CDH3: variants seen among roughly 807,000 people sequenced by gnomAD.
CDH3 encodes cadherin-3.
A neutral mutation model predicts 82.0 loss-of-function variants in CDH3; 54 were observed. That is an observed-to-expected ratio of 0.66 (90% CI 0.53 to 0.83). CDH3 has a LOEUF of 0.83. Among genes scored for constraint, CDH3 ranks in the 40% least tolerant of loss-of-function variants. The pLI is 0.00. For missense variants in CDH3, 1,054 were observed against 1,084.6 expected (o/e 0.97, Z 0.40); for synonymous variants, 446 against 437.9 (o/e 1.02, Z -0.23).
rs1056804872 is a variant in CDH3, at chr16:68,655,235, C to T, written c.160+9485C>T. Reference sequence around the variant, plus strand: ...GGTGGGCAGCAGCTCCTTATTTGGCCAACATGTTCAAATCCAGCTCCTCTC... The same window carrying T: ...GGTGGGCAGCAGCTCCTTATTTGGCTAACATGTTCAAATCCAGCTCCTCTC... On this transcript the variant is annotated intron_variant, in intron 2 of 15. Transcript: ENST00000264012. Among the ~76,000 whole-genome samples the T allele has an allele frequency of 1.2e-4, 19 of 152,026 alleles. 1 individual carries two copies. Among genetic ancestry groups the T allele is most frequent in the Admixed American group, 1.2e-3 (19 of 15,262 alleles).
Position 68,685,278 on chromosome 16 carries a change from A to G in CDH3, c.1498A>G (p.Thr500Ala). ...CAGTGGGCAGGTCACAGCTGTGGGC[A>G]CCCTCGACCGTGAGGATGAGCAGTT... Reference protein sequence around the residue: ...PDSGQVTAVGTLDREDEQFVR... With the variant: ...PDSGQVTAVGALDREDEQFVR... Residue 500 changes from threonine to alanine, a missense_variant, in exon 11 of 16, where the codon ACC (threonine) becomes GCC (alanine). Physicochemically the swap from Thr to Ala is moderately conservative, Grantham distance 58. Transcript: ENST00000264012. 1.2e-6 allele frequency: 2 copies of G among 1,614,070 alleles called. No individual in the cohort carries two copies. Among genetic ancestry groups the G allele is most frequent in the Non-Finnish European group, 8.5e-7 (1 of 1,180,020 alleles).
chr16:68,647,512 CG>C (rs1260396317), intron 2 of CDH3, among the ~76,000 whole-genome samples: 1 of 152,040 alleles, frequency 6.6e-6, no homozygotes, highest in Admixed American at 6.6e-5. Flanking sequence ...GTCTGCTTTA[CG>C]GTTGTGAAAA....
At chr16:68,681,965 T>TTC (rs1440290565) in intron 8 of CDH3, among the ~76,000 whole-genome samples, 2 of 152,234 alleles carry the variant, frequency 1.3e-5, no homozygotes, top group East Asian at 3.8e-4. Flanking sequence ...CACCTAGCCC[T>TTC]TCTTGCCACC....
chr16:68,652,253 G>C lies in CDH3; in HGVS notation c.160+6503G>C, dbSNP rs141178973. On this transcript the variant is annotated intron_variant, in intron 2 of 15. Transcript: ENST00000264012. Reference sequence around the variant, plus strand: ...AGGCCGCTTTCCTGGCTTAGCAGCAGAGTAGGGTTAACTTGCTGAAAACTC... The same window carrying C: ...AGGCCGCTTTCCTGGCTTAGCAGCACAGTAGGGTTAACTTGCTGAAAACTC... Among the ~76,000 whole-genome samples, 21 of 152,254 alleles carry C rather than the reference G, an allele frequency of 1.4e-4. No homozygotes were observed. The East Asian group carries it at 4.1e-3, about 29-fold the overall frequency.
At position 68,675,272 on chromosome 16, in the gene CDH3, A is replaced by G. The variant is rs149514875; in HGVS notation, c.161-1113A>G. Among the ~76,000 whole-genome samples, 164 of 152,288 alleles carry G rather than the reference A, an allele frequency of 1.1e-3. 1 individual carries two copies. The highest frequency in any genetic ancestry group is 9.3e-3 in the South Asian group (45 of 4,822). On this transcript the variant is annotated intron_variant, in intron 2 of 15. Transcript: ENST00000264012. Reference sequence around the variant, plus strand: ...GTTTGTGCCCTCGCCTGACATACCTATGGACAGGCGTGGGGCCGTCCTTGT... The same window carrying G: ...GTTTGTGCCCTCGCCTGACATACCTGTGGACAGGCGTGGGGCCGTCCTTGT...
Position 68,690,617 on chromosome 16 carries a change from A to G in CDH3, c.1796-1103A>G, listed in dbSNP as rs188755376. Among the ~76,000 whole-genome samples, 14 of 151,236 alleles carry G rather than the reference A, an allele frequency of 9.3e-5. No individual in the cohort carries two copies. The East Asian group carries it at 2.7e-3, about 29-fold the overall frequency. ...GATAGAGCAAGACTCTGTCTAAAAA[A>G]AAAATTGAAGGCCGGGCACCGTGGC... On this transcript the variant is annotated intron_variant, in intron 12 of 15. Transcript: ENST00000264012.
chr16:68,696,207 T>C, intron 15 of CDH3: 1 of 417,454 alleles, frequency 2.4e-6, no homozygotes, highest in Non-Finnish European at 4.5e-6. Flanking sequence ...AATCATGAGG[T>C]CAGGAGTTCA....
rs76254317 is a variant in CDH3, at chr16:68,665,608, T to G, written c.161-10777T>G. Among the ~76,000 whole-genome samples, 1,461 of 152,264 alleles carry G rather than the reference T, an allele frequency of 9.6e-3. 7 individuals carry two copies. The highest frequency in any genetic ancestry group is 0.015 in the Non-Finnish European group (1,030 of 68,014). On this transcript the variant is annotated intron_variant, in intron 2 of 15. Transcript: ENST00000264012. Reference sequence around the variant, plus strand: ...GCTGCAGAGCCAGTACACAGCACTTTTACCTACCAGACCCTTAATTGTTAC... The same window carrying G: ...GCTGCAGAGCCAGTACACAGCACTTGTACCTACCAGACCCTTAATTGTTAC...
chr16:68,669,187 G>T (rs1171198111), intron 2 of CDH3, among the ~76,000 whole-genome samples: 1 of 152,194 alleles, frequency 6.6e-6, no homozygotes, highest in Admixed American at 6.5e-5. Flanking sequence ...CAGATTGGGA[G>T]AAGTAATACC....
intron 2 of CDH3, among the ~76,000 whole-genome samples, chr16:68,660,924 A>C (rs1960555288): frequency 6.6e-6 from 1 of 150,570 alleles, no homozygotes; most frequent in Non-Finnish European, 1.5e-5. Context: ...CCGCCACTGC[A>C]CCCCAGCACT....
At chr16:68,693,410 C>T (rs1011000485) in intron 13 of CDH3, among the ~76,000 whole-genome samples, 8 of 152,000 alleles carry the variant, frequency 5.3e-5, no homozygotes, top group Non-Finnish European at 1.0e-4. Flanking sequence ...CAGAGGTGGT[C>T]ATGTTTCAAG....
intron 1 of CDH3, among the ~76,000 whole-genome samples, chr16:68,709,432 C>T (rs915519054): frequency 3.3e-5 from 5 of 151,986 alleles, no homozygotes; most frequent in Admixed American, 1.3e-4. Flanking sequence ...AAAAGGTGAC[C>T]GGAGAAGGGT....
chr16:68,687,453 C>T (rs961721875), intron 11 of CDH3, 59 bp from the exon 12 acceptor site: 19 of 1,386,842 alleles, frequency 1.4e-5, no homozygotes, highest in Non-Finnish European at 2.0e-5. Flanking sequence ...CAGGAGGAGC[C>T]CCCCTGAGGC....
Position 68,668,473 on chromosome 16 carries a change from T to C in CDH3, c.161-7912T>C, listed in dbSNP as rs181445014. 5.1e-3 allele frequency among the ~76,000 whole-genome samples: 773 copies of C among 152,358 alleles called. 30 individuals are homozygous for C. Among genetic ancestry groups the C allele is most frequent in the Admixed American group, 0.045 (682 of 15,300 alleles). On this transcript the variant is annotated intron_variant, in intron 2 of 15. Coordinates refer to ENST00000264012, the MANE Select transcript of CDH3 (RefSeq NM_001793.6). ...CCAGGAAGCATCTGGGAGGAAATTG[T>C]AATGATCTGCCCCAGGGCTTACCAT...
rs566502346 is a variant in CDH3 at position 68,671,556 on chromosome 16, C to G, written c.161-4829C>G. Among the ~76,000 whole-genome samples, 4 of 125,138 alleles carry G rather than the reference C, an allele frequency of 3.2e-5. No individual in the cohort carries two copies. The East Asian group carries it at 7.8e-4, about 24-fold the overall frequency. The allele number at this position is 125,138 out of a possible 152,430, so 82.1% of individuals were successfully genotyped here. A position where few individuals can be genotyped will look rare whatever the true frequency, so the allele number is the denominator to read the frequency against. On this transcript the variant is annotated intron_variant, in intron 2 of 15. Transcript: ENST00000264012. ...TTTTTTTTTTGAGATGGATCTTGCT[C>G]TGTTGTCCAGGCTGGAGTGAGGTGG...
chr16:68,721,066 G>A (rs1490834989), intron 1 of CDH3, among the ~76,000 whole-genome samples: 1 of 151,982 alleles, frequency 6.6e-6, no homozygotes, highest in African/African-American at 2.4e-5. Flanking sequence ...AAATTGTCAA[G>A]GTCAACATAG....
At chr16:68,722,577 T>C (rs1265405869) in exon 2 of CDH3, 1 of 152,160 alleles carries the variant, frequency 6.6e-6, no homozygotes, top group East Asian at 1.9e-4. Context: ...CATGAGCACG[T>C]GGGGTGGACA....
chr16:68,696,229 G>A lies in CDH3; in HGVS notation c.2280+306G>A, dbSNP rs540309525. 11 of 387,802 alleles carry A rather than the reference G, an allele frequency of 2.8e-5. No homozygotes were observed. In the Admixed American group the frequency reaches 3.3e-4, roughly 12 times the overall value. 24.0% of individuals were successfully genotyped at this position (387,802 alleles called of 1,614,324 possible). A position where few individuals can be genotyped will look rare whatever the true frequency, so the allele number is the denominator to read the frequency against. On this transcript the variant is annotated intron_variant, in intron 15 of 15. Transcript: ENST00000264012. Reference sequence around the variant, plus strand: ...AGGTCAGGAGTTCAAGACCAGCCTGGCCAACATGGCGAAACCCCATCTCTA... The same window carrying A: ...AGGTCAGGAGTTCAAGACCAGCCTGACCAACATGGCGAAACCCCATCTCTA...
rs1014782853 is a variant in CDH3, at chr16:68,696,109, C to G, written c.2280+186C>G. ...TTTGTTTCTTCCTCCATAGAACTCA[C>G]TTGCAGAGTGGTTAAAAATGATTAG... is the stretch of plus-strand genomic sequence containing the variant. On this transcript the variant is annotated intron_variant, in intron 15 of 15. Transcript: ENST00000264012. 150 of 693,582 alleles carry G rather than the reference C, an allele frequency of 2.2e-4. 4 individuals carry two copies. In the South Asian group the frequency reaches 2.3e-3, roughly 11 times the overall value. The allele number at this position is 693,582 out of a possible 1,614,324, so 43.0% of individuals were successfully genotyped here.
Sources: gnomAD v4.1 joint callset for allele counts (sites outside exome capture counted in the v4.1 genomes callset) on GRCh38, gnomAD v4.1.1 for gene constraint, MANE v1.5 for transcripts, NCBI Gene and HGNC (gene_info 2026-07-23, HGNC 2026-07-21) for gene names.